The following PALLD variants were observed in gnomAD, a reference collection of about 807,000 sequenced individuals.
PALLD encodes palladin.
PALLD carries 61 observed loss-of-function variants against 123.5 expected under a neutral mutation model. That is an observed-to-expected ratio of 0.49 (90% CI 0.40 to 0.61). The LOEUF is 0.61. PALLD is among the 20% of genes least tolerant of loss of function. The pLI, the probability that PALLD is intolerant of heterozygous loss-of-function variation, is 0.00. For synonymous variants in PALLD, 465 were observed against 496.4 expected, an observed-to-expected ratio of 0.94 and a Z score of 0.84; for missense variants, 1,273 against 1,377.0, an observed-to-expected ratio of 0.92 and a Z score of 1.20.
At chr4:168,508,148 G>A (rs1398019447) in intron 1 of PALLD, among the ~76,000 whole-genome samples, 2 of 152,272 alleles carry the variant, frequency 1.3e-5, no homozygotes, top group East Asian at 3.9e-4. Context: ...GATGTTGAAT[G>A]TTCCCAACAC....
chr4:168,882,340 T>C (rs181692247), intron 10 of PALLD, among the ~76,000 whole-genome samples: 17 of 152,296 alleles, frequency 1.1e-4, no homozygotes, highest in Non-Finnish European at 1.8e-4. Flanking sequence ...GTGACTTAGG[T>C]TCATCTCAAA....
intron 10 of PALLD, among the ~76,000 whole-genome samples, chr4:168,787,177 T>C (rs1308851417): frequency 6.6e-6 from 1 of 152,196 alleles, no homozygotes; most frequent in Non-Finnish European, 1.5e-5. Context: ...GCTAATTCAT[T>C]CGTGAACTTA....
chr4:168,555,998 G>C (rs1377230411), intron 2 of PALLD, among the ~76,000 whole-genome samples: 2 of 152,122 alleles, frequency 1.3e-5, no homozygotes, highest in African/African-American at 2.4e-5. Context: ...CCACCCCGAA[G>C]TTCCGGGATC....
rs775522460 is a variant in PALLD, at chr4:168,925,217, CTCTT to C, written c.3359-12_3359-9del. The C allele has an allele frequency of 5.6e-6, 9 of 1,601,364 alleles. No individual in the cohort carries two copies. The highest frequency in any genetic ancestry group is 2.2e-5 in the South Asian group (2 of 90,758). ...CAAAAAAATTCATATTGCTCTCTCT[CTCTT>C]TCTATTTGTAGTTTCTCGACATTAA... is the stretch of plus-strand genomic sequence containing the variant. On this transcript the variant is annotated splice_polypyrimidine_tract_variant and intron_variant, in intron 20 of 21. Transcript: ENST00000505667.
At chr4:168,889,168 T>G (rs199704425) in intron 10 of PALLD, among the ~76,000 whole-genome samples, 29 of 28,248 alleles carry the variant, frequency 1.0e-3, no homozygotes, top group African/African-American at 2.4e-3. Context: ...GTGTGTGTGG[T>G]TTTTTTTTTT....
intron 10 of PALLD, among the ~76,000 whole-genome samples, chr4:168,860,135 C>G (rs111322376): frequency 0.012 from 1,781 of 152,274 alleles, 45 homozygotes; most frequent in African/African-American, 0.041. Flanking sequence ...AACAGTGCTG[C>G]AGAATTGATG....
At chr4:168,916,427 T>C (rs1415492602) in intron 17 of PALLD, among the ~76,000 whole-genome samples, 1 of 152,010 alleles carries the variant, frequency 6.6e-6, no homozygotes, top group Non-Finnish European at 1.5e-5. Context: ...GAAATGATTC[T>C]AGCTTAAGGG....
At chr4:168,568,728 A>G (rs1324276357) in intron 2 of PALLD, among the ~76,000 whole-genome samples, 1 of 151,524 alleles carries the variant, frequency 6.6e-6, no homozygotes, top group African/African-American at 2.4e-5. Context: ...TTCCACAAAT[A>G]TATGTGTGTA....
At position 168,511,337 on chromosome 4, in the gene PALLD, T is replaced by C. The variant is rs1366857412; in HGVS notation, c.-82-86T>C. 7 of 610,914 alleles carry C rather than the reference T, an allele frequency of 1.1e-5. No homozygotes were observed. The African/African-American group carries it at 1.3e-4, about 11-fold the overall frequency. 37.8% of individuals were successfully genotyped at this position (610,914 alleles called of 1,614,324 possible). A position where few individuals can be genotyped will look rare whatever the true frequency, so the allele number is the denominator to read the frequency against. ...AAACTTATATTCATTCACTTTAATG[T>C]TTCTCCCAATTTGTGACTTACAAGT... is the stretch of plus-strand genomic sequence containing the variant. On this transcript the variant is annotated intron_variant, in intron 1 of 21. Coordinates refer to ENST00000505667, the MANE Select transcript of PALLD (RefSeq NM_001166108.2).
chr4:168,845,378 G>A (rs1746683788), intron 10 of PALLD, among the ~76,000 whole-genome samples: 1 of 152,014 alleles, frequency 6.6e-6, no homozygotes, highest in South Asian at 2.1e-4. Context: ...CTGGATCCCT[G>A]GGTTCCACAT....
chr4:168,653,250 G>C (rs17054438), intron 2 of PALLD, among the ~76,000 whole-genome samples: 16,667 of 151,880 alleles, frequency 0.11, 980 homozygotes, highest in Middle Eastern at 0.13. Flanking sequence ...CTATTTTTAC[G>C]TCCAATTTCA....
chr4:168,872,185 C>T (rs1751174309), intron 10 of PALLD, among the ~76,000 whole-genome samples: 1 of 152,126 alleles, frequency 6.6e-6, no homozygotes, highest in African/African-American at 2.4e-5. Flanking sequence ...TCTATCGGTA[C>T]GTGGAATGAC....
chr4:168,785,636 A>G (rs1026453100), intron 10 of PALLD, among the ~76,000 whole-genome samples: 1 of 151,594 alleles, frequency 6.6e-6, no homozygotes, highest in African/African-American at 2.4e-5. Context: ...CTCATTTGCA[A>G]ACCCCACCTT....
intron 18 of PALLD, among the ~76,000 whole-genome samples, chr4:168,923,688 C>T (rs1245162388): frequency 6.6e-6 from 1 of 151,992 alleles, no homozygotes; most frequent in Non-Finnish European, 1.5e-5. Flanking sequence ...ATATACATTC[C>T]TAGTTTACAG....
chr4:168,709,192 C>G, intron 9 of PALLD, 45 bp downstream of exon 9: 1 of 1,606,456 alleles, frequency 6.2e-7, no homozygotes. Context: ...TTCCCCAGCA[C>G]CAGTGTGGAT....
At chr4:168,662,875 G>T (rs1469013093) in intron 2 of PALLD, among the ~76,000 whole-genome samples, 2 of 152,234 alleles carry the variant, frequency 1.3e-5, no homozygotes, top group Non-Finnish European at 2.9e-5. Context: ...TGTTAGTTTA[G>T]ACAAGAAGGT....
At chr4:168,781,951 A>C (rs1019593095) in intron 10 of PALLD, among the ~76,000 whole-genome samples, 4 of 152,092 alleles carry the variant, frequency 2.6e-5, no homozygotes, top group African/African-American at 7.2e-5. Flanking sequence ...GAAAAAAAAA[A>C]CAAACTACCC....
intron 17 of PALLD, among the ~76,000 whole-genome samples, chr4:168,916,350 A>G (rs912688255): frequency 9.9e-5 from 15 of 152,108 alleles, no homozygotes; most frequent in Admixed American, 3.3e-4. Context: ...AGCTGAAGCT[A>G]TGTGAGCTAT....
chr4:168,833,100 C>CCGA (rs1744554210), intron 10 of PALLD, among the ~76,000 whole-genome samples: 7 of 152,016 alleles, frequency 4.6e-5, no homozygotes, highest in African/African-American at 1.5e-4. Context: ...GCTTCCCGCC[C>CCGA]GTTTGTCTCA....
Sources: allele counts gnomAD v4.1 joint callset (sites outside exome capture counted in the v4.1 genomes callset), GRCh38; gene constraint gnomAD v4.1.1; transcripts MANE v1.5; gene names NCBI Gene and HGNC (gene_info 2026-07-23, HGNC 2026-07-21).